The following FBXO25 variants were observed in gnomAD, a reference collection of about 807,000 sequenced individuals.
The protein encoded by FBXO25 is F-box only protein 25.
In FBXO25, 45 loss-of-function variants were observed where a neutral mutation model predicts 51.9. That is an observed-to-expected ratio of 0.87 (90% CI 0.68 to 1.11). The LOEUF (loss-of-function observed/expected upper bound fraction) is 1.11, where lower values mean the gene tolerates loss of function less well. Ranked by LOEUF, FBXO25 falls within the 50% of genes most tolerant of loss-of-function variation. The pLI, the probability that FBXO25 is intolerant of heterozygous loss-of-function variation, is 0.00. For missense variants in FBXO25, 507 were observed against 428.5 expected, an observed-to-expected ratio of 1.18 and a Z score of -1.62; for synonymous variants, 199 against 151.0, an observed-to-expected ratio of 1.32 and a Z score of -2.33.
intron 9 of FBXO25, chr8:467,935 A>G: frequency 2.8e-6 from 4 of 1,432,954 alleles, no homozygotes; most frequent in Non-Finnish European, 3.7e-6. Context: ...GAGAGTGTTG[A>G]TGAAATATTT....
At chr8:412,238 G>A (rs1206611791) in intron 1 of FBXO25, among the ~76,000 whole-genome samples, 8 of 152,068 alleles carry the variant, frequency 5.3e-5, no homozygotes, top group African/African-American at 1.9e-4. Context: ...ATAAAACCCT[G>A]CTGTTCCTTC....
At chr8:422,324 A>G (rs1419640800) in intron 2 of FBXO25, among the ~76,000 whole-genome samples, 2 of 152,370 alleles carry the variant, frequency 1.3e-5, no homozygotes, top group South Asian at 4.1e-4. Flanking sequence ...AAGCTGAATC[A>G]GGAGAAAACA....
intron 5 of FBXO25, among the ~76,000 whole-genome samples, chr8:448,576 G>C (rs1232469364): frequency 6.6e-6 from 1 of 152,208 alleles, no homozygotes; most frequent in Non-Finnish European, 1.5e-5. Flanking sequence ...CTGTTCTCAT[G>C]AGCAGTTTCG....
rs986804157 is a variant in FBXO25 at position 435,472 on chromosome 8, C to G, written c.289-143C>G. ...AGCATTGCTATAATTTTACTATACT[C>G]TCATCTAAATCTAAAATCAGTCTTC... On this transcript the variant is annotated intron_variant, in intron 4 of 9. Coordinates refer to ENST00000350302, the MANE Select transcript of FBXO25 (RefSeq NM_183420.2). The G allele has an allele frequency of 2.4e-5, 24 of 997,474 alleles. No homozygotes were observed. In the African/African-American group the frequency reaches 2.6e-4, roughly 11 times the overall value. The allele number at this position is 997,474 out of a possible 1,614,324, so 61.8% of individuals were successfully genotyped here. A position where few individuals can be genotyped will look rare whatever the true frequency, so the allele number is the denominator to read the frequency against.
rs1797539399 is a variant in FBXO25 at position 427,164 on chromosome 8, A to G, written c.135-4177A>G. Reference sequence around the variant, plus strand: ...ATTGATGAACACAGTGTGACTTAAGACAACAACTGGGGATTGTTAGAGCAG... The same window carrying G: ...ATTGATGAACACAGTGTGACTTAAGGCAACAACTGGGGATTGTTAGAGCAG... On this transcript the variant is annotated intron_variant, in intron 2 of 9. Coordinates refer to ENST00000350302, the MANE Select transcript of FBXO25 (RefSeq NM_183420.2). 5.9e-5 allele frequency among the ~76,000 whole-genome samples: 9 copies of G among 152,126 alleles called. No individual in the cohort carries two copies. In the South Asian group the frequency reaches 1.7e-3, roughly 28 times the overall value.
intron 5 of FBXO25, among the ~76,000 whole-genome samples, chr8:439,801 C>T (rs1472149327): frequency 6.6e-6 from 1 of 152,170 alleles, no homozygotes; most frequent in African/African-American, 2.4e-5. Context: ...GGTGCGGTGA[C>T]TCATGCCTGC....
chr8:463,056 T>G lies in FBXO25; in HGVS notation c.893T>G (p.Leu298Trp). ...GAAAAAGGTCATATTGAATGGAAGTTGATGTACTTTGCACTTCAGAAACAT... is the reference window on the plus strand; with the variant it reads ...GAAAAAGGTCATATTGAATGGAAGTGGATGTACTTTGCACTTCAGAAACAT... Reference protein sequence around the residue: ...LSEKGHIEWKLMYFALQKHYP... With the variant: ...LSEKGHIEWKWMYFALQKHYP... The change falls in exon 9 of 10, where the codon TTG becomes TGG. Residue 298 changes from leucine to tryptophan, a missense_variant. Transcript: ENST00000350302. 1 of 1,613,780 alleles carries G rather than the reference T, an allele frequency of 6.2e-7. No individual in the cohort carries two copies. The highest frequency in any genetic ancestry group is 1.1e-5 in the South Asian group (1 of 90,900).
intron 9 of FBXO25, chr8:467,643 C>G (rs1197531390): frequency 1.4e-6 from 2 of 1,447,724 alleles, no homozygotes; most frequent in African/African-American, 2.8e-5. Flanking sequence ...CACTCTGGCT[C>G]TTTCTAATCT....
At chr8:457,160 C>T (rs1349879302) in intron 7 of FBXO25, among the ~76,000 whole-genome samples, 4 of 152,276 alleles carry the variant, frequency 2.6e-5, no homozygotes, top group East Asian at 1.9e-4. Context: ...ACGACAGAAG[C>T]GCCACCCCAG....
At position 476,834 on chromosome 8, in the gene FBXO25, A is replaced by G. The variant is rs1344900369; in HGVS notation, c.*8030A>G. On this transcript the variant is annotated 3_prime_UTR_variant, in exon 10 of 10. Coordinates refer to ENST00000350302, the MANE Select transcript of FBXO25 (RefSeq NM_183420.2). ...CTTTATTATTATTATAATCATCTCC[A>G]TTCTGCTGGCTTTGGGTTGATTGCT... 6.6e-5 allele frequency: 10 copies of G among 151,394 alleles called. No homozygotes were observed. The allele number at this position is 151,394 out of a possible 1,614,324, so 9.4% of individuals were successfully genotyped here.
intron 5 of FBXO25, among the ~76,000 whole-genome samples, chr8:436,780 A>G (rs1450774755): frequency 2.0e-5 from 3 of 152,242 alleles, no homozygotes; most frequent in South Asian, 2.1e-4. Flanking sequence ...CTGTTTCTCC[A>G]TGTAGCTCTC....
chr8:434,555 G>A (rs1030496762), intron 4 of FBXO25, among the ~76,000 whole-genome samples: 2 of 152,154 alleles, frequency 1.3e-5, no homozygotes, highest in Non-Finnish European at 2.9e-5. Flanking sequence ...AGAAGCACAT[G>A]AGCCTCTGAG....
chr8:435,048 C>A (rs539820913), intron 4 of FBXO25, among the ~76,000 whole-genome samples: 1 of 152,152 alleles, frequency 6.6e-6, no homozygotes, highest in South Asian at 2.1e-4. Context: ...CACCTTCTTG[C>A]TACCGAAGCA....
At chr8:454,623 G>A (rs1021518356) in intron 7 of FBXO25, among the ~76,000 whole-genome samples, 1 of 152,198 alleles carries the variant, frequency 6.6e-6, no homozygotes, top group Non-Finnish European at 1.5e-5. Context: ...CGGGCGCGAT[G>A]GCTCACGCCA....
chr8:468,951 G>GA lies in FBXO25; in HGVS notation c.*148dup. 1 of 656,878 alleles carries GA rather than the reference G, an allele frequency of 1.5e-6. No homozygotes were observed. The highest frequency in any genetic ancestry group is 2.5e-6 in the Non-Finnish European group (1 of 397,134). The allele number at this position is 656,878 out of a possible 1,614,324, so 40.7% of individuals were successfully genotyped here. ...AAGAACTGCCCTTCTGCAAAGGGGG[G>GA]ACTGCATGGTTGCATTTTCATCACT... On this transcript the variant is annotated 3_prime_UTR_variant, in exon 10 of 10. Coordinates refer to ENST00000350302, the MANE Select transcript of FBXO25 (RefSeq NM_183420.2).
At chr8:444,869 A>G (rs1320184948) in intron 5 of FBXO25, among the ~76,000 whole-genome samples, 1 of 152,190 alleles carries the variant, frequency 6.6e-6, no homozygotes, top group Non-Finnish European at 1.5e-5. Context: ...GTGTTGTGTA[A>G]TACACTCTGT....
At chr8:417,151 A>G (rs1464464064) in intron 2 of FBXO25, among the ~76,000 whole-genome samples, 2 of 152,210 alleles carry the variant, frequency 1.3e-5, no homozygotes, top group Admixed American at 6.5e-5. Context: ...CCAGTAGGAG[A>G]CAAGATCCCA....
intron 5 of FBXO25, among the ~76,000 whole-genome samples, chr8:441,721 C>T (rs1347207878): frequency 1.3e-5 from 2 of 152,186 alleles, no homozygotes; most frequent in Non-Finnish European, 2.9e-5. Context: ...ACAGACACTT[C>T]TCAAAACAAG....
At chr8:427,818 T>A (rs908698706) in intron 2 of FBXO25, among the ~76,000 whole-genome samples, 1 of 150,756 alleles carries the variant, frequency 6.6e-6, no homozygotes, top group East Asian at 1.9e-4. Context: ...TGCCCTTGAT[T>A]AGCAATTTTA....
Sources: allele counts gnomAD v4.1 joint callset (sites outside exome capture counted in the v4.1 genomes callset), GRCh38; gene constraint gnomAD v4.1.1; transcripts MANE v1.5; gene names NCBI Gene and HGNC (gene_info 2026-07-23, HGNC 2026-07-21).